UNC80: variants seen among roughly 807,000 people sequenced by gnomAD.
UNC80 encodes the protein unc-80 subunit of NALCN channel complex.
In UNC80, 164 loss-of-function variants were observed where a neutral mutation model predicts 384.6. The observed-to-expected ratio is 0.43, with a 90% confidence interval of 0.38 to 0.49. UNC80 has a LOEUF of 0.49. UNC80 is among the 20% of genes least tolerant of loss of function. The pLI is 0.00. For missense variants in UNC80, 3,330 were observed against 4,143.0 expected, an observed-to-expected ratio of 0.80 and a Z score of 5.39; for synonymous variants, 1,486 against 1,527.8, an observed-to-expected ratio of 0.97 and a Z score of 0.64.
In UNC80 at chr2:209,912,586, A is replaced by G. The variant is rs1334254431; in HGVS notation, c.4809A>G (p.Thr1603=). The change falls in exon 30 of 65, where the codon ACA becomes ACG. Residue 1603 remains threonine (T), a synonymous_variant. Transcript: ENST00000673920. ...GCTCAGATAAGTCATGCCTGAGGAC[A>G]CCTTCTCTAAAGAAGAGAGTTTCAG... The part of the protein sequence containing the change: ...KECSDKSCLR[T]PSLKKRVSDA... 39 of 1,551,350 alleles carry G rather than the reference A, an allele frequency of 2.5e-5. No homozygotes were observed. The East Asian group carries it at 9.5e-4, about 38-fold the overall frequency.
chr2:209,881,593 A>G lies in UNC80; in HGVS notation c.4110+499A>G, dbSNP rs149319884. Reference sequence around the variant, plus strand: ...CTGTAGCATTTCCTAGAGATTATGGATAGACAGAAATAAGACCATGCATGT... The same window carrying G: ...CTGTAGCATTTCCTAGAGATTATGGGTAGACAGAAATAAGACCATGCATGT... On this transcript the variant is annotated intron_variant, in intron 25 of 64. Transcript: ENST00000673920. Among the ~76,000 whole-genome samples, 956 of 152,192 alleles carry G rather than the reference A, an allele frequency of 6.3e-3. 2 individuals carry two copies. Among genetic ancestry groups the G allele is most frequent in the Non-Finnish European group, 0.011 (763 of 68,020 alleles).
chr2:209,959,722 T>C lies in UNC80; in HGVS notation c.7805+15T>C. On this transcript the variant is annotated intron_variant, in intron 51 of 64. Coordinates refer to ENST00000673920, the MANE Select transcript of UNC80 (RefSeq NM_001371986.1). ...TCTCACATGAGGTACTGGCCTCGCTTTCCCTGCCCCAAGTGTGAACACAGC... is the reference window on the plus strand; with the variant it reads ...TCTCACATGAGGTACTGGCCTCGCTCTCCCTGCCCCAAGTGTGAACACAGC... 1 of 1,549,392 alleles carries C rather than the reference T, an allele frequency of 6.5e-7. No individual in the cohort carries two copies. Among genetic ancestry groups the C allele is most frequent in the South Asian group, 1.2e-5 (1 of 83,852 alleles).
chr2:209,884,288 C>T (rs2085574111), intron 25 of UNC80, among the ~76,000 whole-genome samples: 1 of 152,088 alleles, frequency 6.6e-6, no homozygotes, highest in African/African-American at 2.4e-5. Flanking sequence ...GTAATGAAAA[C>T]AGTAATTCCC....
chr2:209,924,926 A>AG (rs1217608972), intron 35 of UNC80, among the ~76,000 whole-genome samples: 1 of 151,964 alleles, frequency 6.6e-6, no homozygotes, highest in South Asian at 2.1e-4. Context: ...TGAGGCTTTT[A>AG]GGGGGCTCCA....
chr2:209,777,134 C>T, intron 3 of UNC80, 124 bp from the exon 4 acceptor site: 1 of 1,118,368 alleles, frequency 8.9e-7, no homozygotes, highest in African/African-American at 1.6e-5. Flanking sequence ...AAGAATGAGC[C>T]CTGCTAGCAG....
intron 4 of UNC80, among the ~76,000 whole-genome samples, chr2:209,778,247 A>G (rs921511314): frequency 3.3e-5 from 5 of 152,136 alleles, no homozygotes; most frequent in African/African-American, 1.2e-4. Context: ...TAATGAAAAT[A>G]CAAAAATTAG....
rs918643296 is a variant in UNC80, at chr2:209,870,428, C to T, written c.3628-2330C>T. Among the ~76,000 whole-genome samples, 3 of 152,106 alleles carry T rather than the reference C, an allele frequency of 2.0e-5. No individual in the cohort carries two copies. In the East Asian group the frequency reaches 5.8e-4, roughly 29 times the overall value. On this transcript the variant is annotated intron_variant, in intron 22 of 64. Transcript: ENST00000673920. ...ATTTAGTCTATATGGCATGGCACTG[C>T]AATACTGCTGGGTTTAATGCAGAAG...
chr2:209,864,630 C>A (rs918480821), intron 22 of UNC80, among the ~76,000 whole-genome samples: 3 of 152,184 alleles, frequency 2.0e-5, no homozygotes, highest in Non-Finnish European at 4.4e-5. Context: ...CCTGAAGAGG[C>A]ACTCTGGCCG....
intron 25 of UNC80, among the ~76,000 whole-genome samples, chr2:209,886,914 G>A (rs2085861379): frequency 1.3e-5 from 2 of 152,136 alleles, no homozygotes; most frequent in African/African-American, 2.4e-5. Context: ...TCAAGGCATT[G>A]GCAAGGCTGC....
rs967080423 is a variant in UNC80, at chr2:209,943,184, A to G, written c.6916-196A>G. Among the ~76,000 whole-genome samples the G allele has an allele frequency of 3.3e-5, 5 of 152,152 alleles. No individual in the cohort carries two copies. In the East Asian group the frequency reaches 5.8e-4, roughly 18 times the overall value. On this transcript the variant is annotated intron_variant, in intron 44 of 64. Transcript: ENST00000673920. ...GTCACAAACTTCCTGGAAAGAAAGT[A>G]TGTTTAGATTTTCAGCATTTTGAGG...
At position 209,993,373 on chromosome 2, in the gene UNC80, G is replaced by T; in HGVS notation, c.9455G>T (p.Gly3152Val). Residue 3152 changes from glycine (G) to valine (V), a missense_variant, in exon 63 of 65, where the codon GGG becomes GTG. Physicochemically the swap from Gly to Val is moderately radical, Grantham distance 109 (BLOSUM62 -3). Around this residue, in one of 8 missense-constraint regions of UNC80, gnomAD observed 236 missense variants for 254.9 expected, o/e 0.93. Coordinates refer to ENST00000673920, the MANE Select transcript of UNC80 (RefSeq NM_001371986.1). Reference protein sequence around the residue: ...KTQTEPRNRQGARLSTTRRSI... With the variant: ...KTQTEPRNRQVARLSTTRRSI... ...CAGACTGAACCCAGAAATCGCCAAG[G>T]GGCTCGGCTGTCAACCACTCGCAGG... 6.4e-7 allele frequency: 1 copy of T among 1,551,772 alleles called. No individual in the cohort carries two copies. The highest frequency in any genetic ancestry group is 8.7e-7 in the Non-Finnish European group (1 of 1,146,964).
chr2:209,972,126 T>A (rs1470368553), intron 54 of UNC80, 75 bp from the exon 55 acceptor site: 29 of 1,510,208 alleles, frequency 1.9e-5, no homozygotes, highest in Non-Finnish European at 2.6e-5. Flanking sequence ...ACCGTCTCCA[T>A]CATACTGTGT....
chr2:209,808,737 T>C (rs1398266202), intron 7 of UNC80: 4 of 225,894 alleles, frequency 1.8e-5, no homozygotes, highest in South Asian at 1.1e-4. Flanking sequence ...GCTCCAAGGC[T>C]CGGCCTAGTG....
chr2:209,965,702 TG>T (rs1416981791), intron 51 of UNC80, among the ~76,000 whole-genome samples: 1 of 152,102 alleles, frequency 6.6e-6, no homozygotes, highest in African/African-American at 2.4e-5. Context: ...ATTACAGGCG[TG>T]AGCCAACACA....
intron 37 of UNC80, 60 bp from the exon 38 acceptor site, chr2:209,930,908 A>T: frequency 7.9e-7 from 1 of 1,266,636 alleles, no homozygotes; most frequent in African/African-American, 1.5e-5. Flanking sequence ...CAAGAAGTTA[A>T]TTTTATTTTC....
chr2:209,910,938 G>A (rs1051894883), intron 29 of UNC80, among the ~76,000 whole-genome samples: 1 of 152,108 alleles, frequency 6.6e-6, no homozygotes, highest in Non-Finnish European at 1.5e-5. Context: ...AAGGCTGAAA[G>A]GAACCTAATA....
At chr2:209,953,999 A>T in intron 47 of UNC80, 101 bp from the exon 48 acceptor site, 1 of 1,308,662 alleles carries the variant, frequency 7.6e-7, no homozygotes, top group Non-Finnish European at 1.0e-6. Context: ...TAGAATTCAT[A>T]TATCTCTAGA....
intron 47 of UNC80, 149 bp downstream of exon 47, chr2:209,946,092 G>A: frequency 1.6e-6 from 1 of 642,656 alleles, no homozygotes; most frequent in South Asian, 2.0e-5. Flanking sequence ...CAGGTGTGGT[G>A]GCTCACACCT....
rs572434556 is a variant in UNC80 at position 209,871,696 on chromosome 2, G to A, written c.3628-1062G>A. Among the ~76,000 whole-genome samples, 26 of 151,940 alleles carry A rather than the reference G, an allele frequency of 1.7e-4. No individual in the cohort carries two copies. In the South Asian group the frequency reaches 4.6e-3, roughly 27 times the overall value. On this transcript the variant is annotated intron_variant, in intron 22 of 64. Coordinates refer to ENST00000673920, the MANE Select transcript of UNC80 (RefSeq NM_001371986.1). ...TCTTATGATCTATTGACCTTCTATG[G>A]AAAACTTCTCATTACTTCTTTCCTT...
Sources: gnomAD v4.1 joint callset for allele counts (sites outside exome capture counted in the v4.1 genomes callset) on GRCh38, gnomAD v4.1.1 for gene constraint, gnomAD v4.1.1 regional missense constraint, MANE v1.5 for transcripts, NCBI Gene and HGNC (gene_info 2026-07-23, HGNC 2026-07-21) for gene names.